The following DIP2C variants were observed in gnomAD, a reference collection of about 807,000 sequenced individuals.
DIP2C encodes DIP2 acetate--CoA ligase C (putative).
In DIP2C, 33 loss-of-function variants were observed where a neutral mutation model predicts 192.4. The observed-to-expected ratio is 0.17, with a 90% CI of 0.13 to 0.23. DIP2C has a LOEUF of 0.23. Among genes scored for constraint, DIP2C ranks in the 10% least tolerant of loss-of-function variants. DIP2C has a pLI of 1.00. For missense variants in DIP2C, 1,537 were observed against 2,110.1 expected, an observed-to-expected ratio of 0.73 and a Z score of 5.32; for synonymous variants, 979 against 864.1, an observed-to-expected ratio of 1.13 and a Z score of -2.33.
chr10:499,764 T>C (rs189002675), intron 1 of DIP2C, among the ~76,000 whole-genome samples: 79 of 152,240 alleles, frequency 5.2e-4, no homozygotes, highest in Admixed American at 3.7e-3. Flanking sequence ...CGAGATGAGA[T>C]TTGGGTGGGG....
At chr10:527,540 AG>A (rs1288152488) in intron 1 of DIP2C, among the ~76,000 whole-genome samples, 2 of 152,254 alleles carry the variant, frequency 1.3e-5, no homozygotes, top group African/African-American at 4.8e-5. Flanking sequence ...GTTTGTTGAA[AG>A]TAACTTCCAC....
At chr10:637,315 C>T (rs1854893063) in intron 1 of DIP2C, among the ~76,000 whole-genome samples, 1 of 146,992 alleles carries the variant, frequency 6.8e-6, no homozygotes, top group South Asian at 2.2e-4. Flanking sequence ...CGGGGACTGA[C>T]AAACAACAGA....
chr10:590,552 T>C (rs1240295850), intron 1 of DIP2C, among the ~76,000 whole-genome samples: 1 of 152,202 alleles, frequency 6.6e-6, no homozygotes, highest in Non-Finnish European at 1.5e-5. Flanking sequence ...GGTGCCAGCT[T>C]TGACTCATTC....
chr10:580,673 C>T (rs1049827500), intron 1 of DIP2C, among the ~76,000 whole-genome samples: 6 of 152,050 alleles, frequency 3.9e-5, no homozygotes, highest in South Asian at 2.1e-4. Context: ...ACACATATAC[C>T]GAGACCCAGA....
chr10:663,939 G>C (rs370965909), intron 1 of DIP2C: 1 of 151,876 alleles, frequency 6.6e-6, no homozygotes, highest in African/African-American at 2.4e-5. Context: ...CCACACCAGA[G>C]GGTGGGAGGC....
At chr10:434,320 C>A (rs1008519125) in intron 4 of DIP2C, among the ~76,000 whole-genome samples, 3 of 152,122 alleles carry the variant, frequency 2.0e-5, no homozygotes, top group Admixed American at 6.5e-5. Flanking sequence ...GCTCTGTTGC[C>A]CAGGGTGGAG....
At chr10:450,606 C>T (rs1041009584) in intron 3 of DIP2C, among the ~76,000 whole-genome samples, 1 of 152,200 alleles carries the variant, frequency 6.6e-6, no homozygotes, top group Non-Finnish European at 1.5e-5. Flanking sequence ...CAGCTGTCTA[C>T]TAGCAGCAGC....
At chr10:553,691 C>A (rs959595737) in intron 1 of DIP2C, among the ~76,000 whole-genome samples, 34 of 151,906 alleles carry the variant, frequency 2.2e-4, no homozygotes, top group African/African-American at 7.3e-4. Flanking sequence ...TTAAGAGTGG[C>A]GAACAAGCAA....
chr10:483,926 C>T (rs1843808248), intron 2 of DIP2C, among the ~76,000 whole-genome samples: 1 of 152,146 alleles, frequency 6.6e-6, no homozygotes, highest in South Asian at 2.1e-4. Context: ...AAGCAATCCT[C>T]CTGCTTCAGC....
At chr10:514,238 G>C (rs1195778369) in intron 1 of DIP2C, among the ~76,000 whole-genome samples, 1 of 151,816 alleles carries the variant, frequency 6.6e-6, no homozygotes, top group African/African-American at 2.4e-5. Context: ...AGCCAGGAGA[G>C]CGTATTTACA....
Position 281,218 on chromosome 10 carries a change from T to C in DIP2C, c.4400A>G (p.His1467Arg). 2 of 1,614,186 alleles carry C rather than the reference T, an allele frequency of 1.2e-6. No homozygotes were observed. Among genetic ancestry groups the C allele is most frequent in the East Asian group, 2.2e-5 (1 of 44,884 alleles). Residue 1467 changes from histidine (H) to arginine (R), a missense_variant, in exon 36 of 37, where the codon CAT becomes CGT. This residue lies in a region of DIP2C where 341 missense variants were observed against 551.7 expected (regional missense o/e 0.62). Coordinates refer to ENST00000280886, the MANE Select transcript of DIP2C (RefSeq NM_014974.3). ...IDIETSVIRAHKSVTECAVFT... is the reference protein window; with the variant it reads ...IDIETSVIRARKSVTECAVFT... ...GACTTACCATTCCGTAACGCTTTTATGGGCTCTGATGACCGAGGTCTCAAT... is the reference window on the plus strand; with the variant it reads ...GACTTACCATTCCGTAACGCTTTTACGGGCTCTGATGACCGAGGTCTCAAT...
intron 2 of DIP2C, among the ~76,000 whole-genome samples, chr10:480,566 T>A (rs1378525551): frequency 6.6e-6 from 1 of 152,260 alleles, no homozygotes; most frequent in South Asian, 2.1e-4. Flanking sequence ...TTCTGCACTT[T>A]GCTTACACCT....
At chr10:637,984 G>T (rs960587267) in intron 1 of DIP2C, among the ~76,000 whole-genome samples, 4 of 152,174 alleles carry the variant, frequency 2.6e-5, no homozygotes, top group African/African-American at 9.7e-5. Context: ...CCTGCCCAAG[G>T]CCTAATCCCT....
Position 511,909 on chromosome 10 carries a change from TG to T in DIP2C, c.86-25380del, listed in dbSNP as rs1470987295. On this transcript the variant is annotated intron_variant, in intron 1 of 36. Transcript: ENST00000280886. ...AACACCGTGTATATCTGTCCTTTACTGTCTGTTCCTTCTCCAGCTGCTGCTG... is the reference window on the plus strand; with the variant it reads ...AACACCGTGTATATCTGTCCTTTACTTCTGTTCCTTCTCCAGCTGCTGCTG... Among the ~76,000 whole-genome samples the T allele has an allele frequency of 2.0e-5, 3 of 152,388 alleles. No homozygotes were observed. The East Asian group carries it at 5.8e-4, about 29-fold the overall frequency.
intron 1 of DIP2C, among the ~76,000 whole-genome samples, chr10:511,086 T>C (rs1253381583): frequency 6.6e-6 from 1 of 152,224 alleles, no homozygotes; most frequent in Non-Finnish European, 1.5e-5. Flanking sequence ...CCATGCTCAA[T>C]ACACACAGCC....
intron 10 of DIP2C, among the ~76,000 whole-genome samples, chr10:392,828 A>G (rs1353044447): frequency 1.3e-5 from 2 of 148,866 alleles, no homozygotes; most frequent in South Asian, 4.2e-4. Flanking sequence ...ACACACACAC[A>G]CACGCCCACG....
At chr10:598,812 G>C (rs1399706049) in intron 1 of DIP2C, among the ~76,000 whole-genome samples, 3 of 152,256 alleles carry the variant, frequency 2.0e-5, no homozygotes. Context: ...CCCCAGCCCG[G>C]AGTGGGTCAT....
intron 4 of DIP2C, among the ~76,000 whole-genome samples, chr10:427,534 C>T (rs1208034394): frequency 6.6e-6 from 1 of 152,142 alleles, no homozygotes; most frequent in Non-Finnish European, 1.5e-5. Context: ...TCGTATAAGG[C>T]ACCTATAACC....
chr10:313,205 C>T (rs975085480), intron 31 of DIP2C, among the ~76,000 whole-genome samples: 13 of 152,178 alleles, frequency 8.5e-5, no homozygotes, highest in Admixed American at 2.6e-4. Flanking sequence ...CCCTTAAATA[C>T]GGAGATCCCT....
Sources: gnomAD v4.1 joint callset for allele counts (sites outside exome capture counted in the v4.1 genomes callset) on GRCh38, gnomAD v4.1.1 for gene constraint, gnomAD v4.1.1 regional missense constraint, MANE v1.5 for transcripts, NCBI Gene and HGNC (gene_info 2026-07-23, HGNC 2026-07-21) for gene names.